The following HNF1A variants were observed in gnomAD, a reference collection of about 807,000 sequenced individuals.
HNF1A encodes HNF1 homeobox A.
HNF1A carries 21 observed loss-of-function variants against 62.2 expected under a neutral mutation model. That is an observed-to-expected ratio of 0.34 (90% confidence interval 0.24 to 0.49). The LOEUF is 0.49. Among genes scored for constraint, HNF1A ranks in the 20% least tolerant of loss-of-function variants. HNF1A has a pLI of 0.99. For synonymous variants in HNF1A, 374 were observed against 366.8 expected (o/e 1.02, Z -0.22); for missense variants, 687 against 832.3 (o/e 0.83, Z 2.15).
At chr12:120,985,583 A>G (rs11065385) in intron 1 of HNF1A, among the ~76,000 whole-genome samples, 108,665 of 151,470 alleles carry the variant, frequency 0.72, 39,716 homozygotes, top group African/African-American at 0.87. Context: ...GAGGTGGGAG[A>G]ACCAATTGAG....
chr12:120,988,986 C>T lies in HNF1A; in HGVS notation c.480C>T (p.Ala160=), dbSNP rs368536974. 37 of 1,614,206 alleles carry T rather than the reference C, an allele frequency of 2.3e-5. No homozygotes were observed. Among genetic ancestry groups the T allele is most frequent in the African/African-American group, 9.3e-5 (7 of 75,048 alleles). ...CTCCCATGAAGACGCAGAAGCGGGC[C>T]GCCCTGTACACCTGGTACGTCCGCA... The part of the protein sequence containing the change: ...KGTPMKTQKR[A]ALYTWYVRKQ... The change falls in exon 2 of 10, where the codon GCC becomes GCT. Residue 160 remains alanine, a synonymous_variant. Coordinates refer to ENST00000257555, the MANE Select transcript of HNF1A (RefSeq NM_000545.8).
chr12:120,994,072 C>A (rs2135840643), intron 3 of HNF1A, 92 bp from the exon 4 acceptor site: 1 of 1,536,010 alleles, frequency 6.5e-7, no homozygotes, highest in African/African-American at 1.4e-5. Context: ...AACCCTCCGG[C>A]AGAGCTCAGC....
intron 1 of HNF1A, among the ~76,000 whole-genome samples, chr12:120,981,481 T>C (rs1876247299): frequency 6.6e-6 from 1 of 152,146 alleles, no homozygotes; most frequent in African/African-American, 2.4e-5. Context: ...TTCGTTCCCC[T>C]CCCTCCACCC....
rs1325274931 is a variant in HNF1A, at chr12:121,001,386, G to A, written c.*194G>A. 2.7e-5 allele frequency: 18 copies of A among 663,100 alleles called. No homozygotes were observed. Among genetic ancestry groups the A allele is most frequent in the South Asian group, 5.6e-5 (3 of 53,828 alleles). 41.1% of individuals were successfully genotyped at this position (663,100 alleles called of 1,614,324 possible). The stretch of plus-strand genomic sequence containing the variant: ...GCGCCCCAACCCGTGGAGGCTGCTC[G>A]GGGTGCACAGGAGGGGGTCGTGGAG... On this transcript the variant is annotated 3_prime_UTR_variant, in exon 10 of 10. Coordinates refer to ENST00000257555, the MANE Select transcript of HNF1A (RefSeq NM_000545.8).
chr12:120,983,936 G>GTGTGTGTGTGTGTA (rs1876379127), intron 1 of HNF1A, among the ~76,000 whole-genome samples: 2 of 151,760 alleles, frequency 1.3e-5, no homozygotes, highest in African/African-American at 4.8e-5. Context: ...GTGTGTGTGT[G>GTGTGTGTGTGTGTA]TGTGTGTGTG....
At position 120,993,596 on chromosome 12, in the gene HNF1A, G is replaced by A. The variant is rs755871272; in HGVS notation, c.603G>A (p.Arg201=). Residue 201 remains arginine (R), a synonymous_variant, in exon 3 of 10, where the codon AGG becomes AGA. Coordinates refer to ENST00000257555, the MANE Select transcript of HNF1A (RefSeq NM_000545.8). ...GDELPTKKGR[R]NRFKWGPASQ... ...AGCTACCAACCAAGAAGGGGCGGAGGAACCGTTTCAAGTGGGGCCCAGCAT... is the reference window on the plus strand; with the variant it reads ...AGCTACCAACCAAGAAGGGGCGGAGAAACCGTTTCAAGTGGGGCCCAGCAT... 3 of 1,614,030 alleles carry A rather than the reference G, an allele frequency of 1.9e-6. No individual in the cohort carries two copies. The Admixed American group carries it at 5.0e-5, about 27-fold the overall frequency.
rs919205360 is a variant in HNF1A, at chr12:121,000,885, C to T, written c.1769-180C>T. The T allele has an allele frequency of 1.5e-5, 12 of 790,766 alleles. No homozygotes were observed. The African/African-American group carries it at 2.1e-4, about 14-fold the overall frequency. The allele number at this position is 790,766 out of a possible 1,614,324, so 49.0% of individuals were successfully genotyped here. ...GGCCACTCCATGGGCGGCCGTGGAC[C>T]CTGGCTGGGAGGCTCCCTTTGAAGA... is the stretch of plus-strand genomic sequence containing the variant. On this transcript the variant is annotated intron_variant, in intron 9 of 9. Transcript: ENST00000257555.
chr12:120,982,224 C>T (rs955844251), intron 1 of HNF1A, among the ~76,000 whole-genome samples: 6 of 152,136 alleles, frequency 3.9e-5, no homozygotes, highest in African/African-American at 1.4e-4. Flanking sequence ...CATGCACCAC[C>T]ACGCCTGGCT....
At chr12:121,000,143 G>A (rs1428186944) in intron 9 of HNF1A, among the ~76,000 whole-genome samples, 1 of 152,112 alleles carries the variant, frequency 6.6e-6, no homozygotes, top group Non-Finnish European at 1.5e-5. Flanking sequence ...GCGGTGGGGC[G>A]GTCACCTGAG....
At position 121,001,164 on chromosome 12, in the gene HNF1A, C is replaced by T. The variant is rs1370787919; in HGVS notation, c.1868C>T (p.Ser623Phe). ...SNHSVIETFISTQMASSSQ is the reference protein window; with the variant it reads ...SNHSVIETFIFTQMASSSQ ...CACAGCGTCATCGAGACCTTCATCTCCACCCAGATGGCCTCTTCCTCCCAG... is the reference window on the plus strand; with the variant it reads ...CACAGCGTCATCGAGACCTTCATCTTCACCCAGATGGCCTCTTCCTCCCAG... Residue 623 changes from serine to phenylalanine, a missense_variant, in exon 10 of 10, where the codon TCC becomes TTC. Around this residue, in one of 5 missense-constraint regions of HNF1A, gnomAD observed 408 missense variants for 455.3 expected, o/e 0.90. Transcript: ENST00000257555. The T allele has an allele frequency of 1.2e-6, 2 of 1,614,022 alleles. No individual in the cohort carries two copies. The highest frequency in any genetic ancestry group is 1.7e-5 in the Admixed American group (1 of 60,008).
rs1877081592 is a variant in HNF1A at position 120,996,040 on chromosome 12, G to A, written c.956-222G>A. Among the ~76,000 whole-genome samples the A allele has an allele frequency of 2.0e-5, 3 of 152,214 alleles. No individual in the cohort carries two copies. The highest frequency in any genetic ancestry group is 7.2e-5 in the African/African-American group (3 of 41,458). ...TGTCAGGTATAGCACTAGGCAGTGG[G>A]AGGAATGGAGCTAATAAATGCAGTC... On this transcript the variant is annotated intron_variant, in intron 4 of 9. Transcript: ENST00000257555. This position sits in a 1 kb window ranked among gnomAD's most constrained non-coding sequence, Gnocchi z 4.5.
chr12:120,984,440 G>A (rs55660034), intron 1 of HNF1A, among the ~76,000 whole-genome samples: 6,161 of 152,192 alleles, frequency 0.04, 153 homozygotes, highest in South Asian at 0.092. Context: ...AGGCTCTCAA[G>A]AGGTGAGAGG....
intron 7 of HNF1A, 28 bp downstream of exon 7, chr12:120,997,693 G>T (rs748900243): frequency 3.8e-6 from 6 of 1,594,144 alleles, no homozygotes; most frequent in Non-Finnish European, 5.1e-6. Context: ...CACACAGCAG[G>T]AGATGATGAT....
chr12:120,991,521 G>A (rs1876831654), intron 2 of HNF1A, among the ~76,000 whole-genome samples: 2 of 152,254 alleles, frequency 1.3e-5, no homozygotes, highest in South Asian at 2.1e-4. Context: ...TTGAACCCAG[G>A]AGGCAGAGGT....
At chr12:121,000,065 T>C (rs972672852) in intron 9 of HNF1A, among the ~76,000 whole-genome samples, 4 of 151,880 alleles carry the variant, frequency 2.6e-5, no homozygotes, top group African/African-American at 9.7e-5. Flanking sequence ...ATTGGAAAAA[T>C]TCATATTCCC....
At position 120,994,299 on chromosome 12, in the gene HNF1A, G is replaced by A. The variant is rs1215273865; in HGVS notation, c.849G>A (p.Met283Ile). 2 of 1,612,734 alleles carry A rather than the reference G, an allele frequency of 1.2e-6. No individual in the cohort carries two copies. The highest frequency in any genetic ancestry group is 1.7e-6 in the Non-Finnish European group (2 of 1,179,486). Residue 283 changes from methionine to isoleucine, a missense_variant, in exon 4 of 10, where the codon ATG (methionine) becomes ATA (isoleucine). This residue lies in a region of HNF1A where 47 missense variants were observed against 109.4 expected (regional missense o/e 0.43). Coordinates refer to ENST00000257555, the MANE Select transcript of HNF1A (RefSeq NM_000545.8). ...KEEAFRHKLA[M>I]DTYSGPPPGP... ...AAGCCTTCCGGCACAAGCTGGCCATGGACACGTACAGCGGGCCCCCCCCAG... is the reference window on the plus strand; with the variant it reads ...AAGCCTTCCGGCACAAGCTGGCCATAGACACGTACAGCGGGCCCCCCCCAG...
At chr12:120,986,035 A>T (rs1876494455) in intron 1 of HNF1A, among the ~76,000 whole-genome samples, 1 of 152,078 alleles carries the variant, frequency 6.6e-6, no homozygotes, top group Non-Finnish European at 1.5e-5. Flanking sequence ...TATAGTATAT[A>T]TTATGTAATT....
Position 120,996,393 on chromosome 12 carries a change from C to G in HNF1A, c.1087C>G (p.Leu363Val), listed in dbSNP as rs1179500232. ...PTGLEPSHSLLSTEAKLVSAA... is the reference protein window; with the variant it reads ...PTGLEPSHSLVSTEAKLVSAA... ...GGGCCTGGAGCCCAGCCACAGCCTG[C>G]TGAGTACAGAAGCCAAGCTGGTGAG... Residue 363 changes from leucine (L) to valine (V), a missense_variant, in exon 5 of 10, where the codon CTG (leucine) becomes GTG (valine). Around this residue, in one of 5 missense-constraint regions of HNF1A, gnomAD observed 408 missense variants for 455.3 expected, o/e 0.90. Transcript: ENST00000257555. This position sits in a 1 kb window ranked among gnomAD's most constrained non-coding sequence, Gnocchi z 4.5. 2.5e-6 allele frequency: 4 copies of G among 1,614,098 alleles called. No individual in the cohort carries two copies. In the African/African-American group the frequency reaches 5.3e-5, roughly 22 times the overall value.
intron 9 of HNF1A, 112 bp from the exon 10 acceptor site, chr12:121,000,953 G>C: frequency 6.9e-7 from 1 of 1,439,808 alleles, no homozygotes; most frequent in Non-Finnish European, 9.6e-7. Flanking sequence ...GTTATCTGCT[G>C]TGATCCAGGA....
Sources: allele counts gnomAD v4.1 joint callset (sites outside exome capture counted in the v4.1 genomes callset), GRCh38; gene constraint gnomAD v4.1.1; regional missense constraint gnomAD v4.1.1; non-coding constraint Gnocchi (gnomAD v3.1); transcripts MANE v1.5; gene names NCBI Gene and HGNC (gene_info 2026-07-23, HGNC 2026-07-21).